Variants in TNFRSF10B observed in about 807,000 individuals in gnomAD.
The protein encoded by TNFRSF10B is TNF receptor superfamily member 10b, also known as tumor necrosis factor receptor superfamily member 10B.
TNFRSF10B carries 35 observed loss-of-function variants against 41.4 expected under a neutral mutation model. The observed-to-expected ratio is 0.85, with a 90% CI of 0.65 to 1.12. The LOEUF is 1.12. Among genes scored for constraint, TNFRSF10B ranks in the 50% most tolerant of loss-of-function variants. TNFRSF10B has a pLI of 0.00. For synonymous variants in TNFRSF10B, 230 were observed against 215.5 expected, an observed-to-expected ratio of 1.07 and a Z score of -0.59; for missense variants, 584 against 552.7, an observed-to-expected ratio of 1.06 and a Z score of -0.57.
At position 23,022,968 on chromosome 8, in the gene TNFRSF10B, G is replaced by A. The variant is rs748377035; in HGVS notation, c.1026C>T (p.Phe342=). 1.7e-5 allele frequency: 28 copies of A among 1,612,444 alleles called. No individual in the cohort carries two copies. The highest frequency in any genetic ancestry group is 3.3e-5 in the South Asian group (3 of 91,080). ...GDPTETLRQC[F]DDFADLVPFD... ...AGGGCACCAAGTCTGCAAAGTCATC[G>A]AAGCACTGTCTCAGAGCTGGTGGAG... Residue 342 remains phenylalanine (F), a synonymous_variant, in exon 9 of 9, where the codon TTC becomes TTT. Coordinates refer to ENST00000276431, the MANE Select transcript of TNFRSF10B (RefSeq NM_003842.5).
Position 23,027,278 on chromosome 8 carries a change from C to T in TNFRSF10B, c.791G>A (p.Arg264Gln), listed in dbSNP as rs1327423751. ...DPERVDRSSQ[R>Q]PGAEDNVLNE... ...GAGGACATTGTCCTCAGCCCCAGGT[C>T]GTTGTGAGCTCTGGAAAAAGACATT... Residue 264 changes from arginine to glutamine, a missense_variant, in exon 7 of 9, where the codon CGA (arginine) becomes CAA (glutamine). Physicochemically the swap from Arg to Gln is conservative, Grantham distance 43. Transcript: ENST00000276431. 3.1e-6 allele frequency: 5 copies of T among 1,613,942 alleles called. No homozygotes were observed. The highest frequency in any genetic ancestry group is 1.1e-5 in the South Asian group (1 of 91,076).
Position 23,043,045 on chromosome 8 carries a change from A to T in TNFRSF10B, c.250+93T>A, listed in dbSNP as rs952677227. ...GGAGGCACCCAATGCCTCTCTGTGGAATAAAGAACAAGGAAGTGCAAAGGA... is the reference window on the plus strand; with the variant it reads ...GGAGGCACCCAATGCCTCTCTGTGGTATAAAGAACAAGGAAGTGCAAAGGA... On this transcript the variant is annotated intron_variant, in intron 2 of 8. Transcript: ENST00000276431. 9.9e-6 allele frequency: 12 copies of T among 1,218,032 alleles called. No individual in the cohort carries two copies. The African/African-American group carries it at 1.6e-4, about 17-fold the overall frequency. 75.5% of individuals were successfully genotyped at this position (1,218,032 alleles called of 1,614,324 possible).
At position 23,020,246 on chromosome 8, in the gene TNFRSF10B, G is replaced by A; in HGVS notation, c.*2425C>T. 4.4e-6 allele frequency: 2 copies of A among 453,878 alleles called. No homozygotes were observed. The highest frequency in any genetic ancestry group is 8.8e-6 in the Non-Finnish European group (2 of 226,582). The allele number at this position is 453,878 out of a possible 1,614,324, so 28.1% of individuals were successfully genotyped here. On this transcript the variant is annotated 3_prime_UTR_variant, in exon 9 of 9. Transcript: ENST00000276431. ...TAACACATTTCAAATAGGGACCTTT[G>A]ACAGGGCAGAAGCATGAAAGGACAC... is the stretch of plus-strand genomic sequence containing the variant.
intron 2 of TNFRSF10B, among the ~76,000 whole-genome samples, chr8:23,031,878 T>G (rs932630234): frequency 2.3e-4 from 35 of 152,148 alleles, no homozygotes; most frequent in African/African-American, 7.9e-4. Flanking sequence ...CCTGCGTATA[T>G]TTTAACTCAT....
At chr8:23,042,450 A>G (rs1340589817) in intron 2 of TNFRSF10B, among the ~76,000 whole-genome samples, 1 of 152,228 alleles carries the variant, frequency 6.6e-6, no homozygotes, top group Admixed American at 6.5e-5. Flanking sequence ...ACAACAGTCA[A>G]GCACACTTCA....
rs1408038180 is a variant in TNFRSF10B, at chr8:23,022,468, C to T, written c.*203G>A. The T allele has an allele frequency of 1.2e-5, 8 of 691,470 alleles. No homozygotes were observed. The South Asian group carries it at 1.2e-4, about 10-fold the overall frequency. 42.8% of individuals were successfully genotyped at this position (691,470 alleles called of 1,614,324 possible). The stretch of plus-strand genomic sequence containing the variant: ...GACATTTCCATAGTGTCCTTATTAT[C>T]ACATTCAGCTTATAAAAATAATGCC... On this transcript the variant is annotated 3_prime_UTR_variant, in exon 9 of 9. Transcript: ENST00000276431.
At chr8:23,028,120 G>A in intron 5 of TNFRSF10B, 1 of 660,100 alleles carries the variant, frequency 1.5e-6, no homozygotes, top group Non-Finnish European at 2.5e-6. Flanking sequence ...GGGAGATATG[G>A]GGACCCCCAG....
At chr8:23,037,494 C>T (rs1812060143) in intron 2 of TNFRSF10B, among the ~76,000 whole-genome samples, 1 of 152,212 alleles carries the variant, frequency 6.6e-6, no homozygotes, top group African/African-American at 2.4e-5. Flanking sequence ...GCCTTCCCTG[C>T]ATGCAATGCT....
intron 1 of TNFRSF10B, among the ~76,000 whole-genome samples, chr8:23,067,669 C>G (rs1394728318): frequency 6.6e-6 from 1 of 152,166 alleles, no homozygotes; most frequent in Non-Finnish European, 1.5e-5. Flanking sequence ...GAGGTGAGAC[C>G]AAGGACATAC....
At chr8:23,028,181 TG>T in intron 5 of TNFRSF10B, 149 bp downstream of exon 5, 1 of 1,032,624 alleles carries the variant, frequency 9.7e-7, no homozygotes. Flanking sequence ...GCACGGGATG[TG>T]GGGATGGGGG....
intron 2 of TNFRSF10B, among the ~76,000 whole-genome samples, chr8:23,038,442 A>G (rs960915503): frequency 2.6e-5 from 4 of 152,250 alleles, no homozygotes; most frequent in Non-Finnish European, 5.9e-5. Context: ...TGTAATCATT[A>G]TAAGTATTTC....
At chr8:23,058,127 A>T (rs1812722553) in intron 1 of TNFRSF10B, among the ~76,000 whole-genome samples, 1 of 152,120 alleles carries the variant, frequency 6.6e-6, no homozygotes, top group Admixed American at 6.5e-5. Context: ...CATGCCTGTA[A>T]TCCCAGCTAC....
At chr8:23,024,109 C>T in intron 8 of TNFRSF10B, 79 bp downstream of exon 8, 4 of 1,582,644 alleles carry the variant, frequency 2.5e-6, no homozygotes, top group African/African-American at 2.7e-5. Context: ...GAAGAGCCCT[C>T]TGACCTCTGG....
chr8:23,041,603 TAAAAAAAAAA>T (rs199893473), intron 2 of TNFRSF10B, among the ~76,000 whole-genome samples: 1 of 121,238 alleles, frequency 8.2e-6, no homozygotes, highest in African/African-American at 3.1e-5. Flanking sequence ...CTCAATGATT[TAAAAAAAAAA>T]AAAAAAAAAA....
In TNFRSF10B at chr8:23,068,764, G is replaced by A. The variant is rs1813078724; in HGVS notation, c.131C>T (p.Ala44Val). 2.5e-6 allele frequency: 4 copies of A among 1,591,372 alleles called. No individual in the cohort carries two copies. The African/African-American group carries it at 5.4e-5, about 21-fold the overall frequency. The change falls in exon 1 of 9, where the codon GCG becomes GTG. Residue 44 changes from alanine (A) to valine (V), a missense_variant. Physicochemically the swap from Ala to Val is moderately conservative, Grantham distance 64. Coordinates refer to ENST00000276431, the MANE Select transcript of TNFRSF10B (RefSeq NM_003842.5). Reference sequence around the variant, plus strand: ...GCGGGGACTCACCAACAGCAGGACCGCGGCGACAACGAGCACAAGGGTCTT... The same window carrying A: ...GCGGGGACTCACCAACAGCAGGACCACGGCGACAACGAGCACAAGGGTCTT... The part of the protein sequence containing the change: ...VPKTLVLVVA[A>V]VLLLVSAESA...
At chr8:23,028,735 A>C (rs1811788343) in intron 4 of TNFRSF10B, 133 bp from the exon 5 acceptor site, 1 of 1,138,650 alleles carries the variant, frequency 8.8e-7, no homozygotes, top group African/African-American at 1.5e-5. Context: ...TCGTGTCAGC[A>C]GTGGGTCCCC....
intron 1 of TNFRSF10B, among the ~76,000 whole-genome samples, chr8:23,067,663 T>C (rs529910853): frequency 5.6e-4 from 85 of 152,218 alleles, no homozygotes; most frequent in Middle Eastern, 3.4e-3. Context: ...CACTCAGAGG[T>C]GAGACCAAGG....
chr8:23,037,428 A>G (rs1196005898), intron 2 of TNFRSF10B, among the ~76,000 whole-genome samples: 1 of 152,190 alleles, frequency 6.6e-6, no homozygotes, highest in African/African-American at 2.4e-5. Flanking sequence ...AACCATTTCT[A>G]TCATGGAGGG....
intron 1 of TNFRSF10B, among the ~76,000 whole-genome samples, chr8:23,058,181 A>T (rs529137994): frequency 6.6e-6 from 1 of 152,222 alleles, no homozygotes; most frequent in African/African-American, 2.4e-5. Flanking sequence ...CAGGAGGAGG[A>T]GGTTTCAGTG....
Sources: allele counts gnomAD v4.1 joint callset (sites outside exome capture counted in the v4.1 genomes callset), GRCh38; gene constraint gnomAD v4.1.1; transcripts MANE v1.5; gene names NCBI Gene and HGNC (gene_info 2026-07-23, HGNC 2026-07-21).